PUDP: variants seen among roughly 807,000 people sequenced by gnomAD.
The protein encoded by PUDP is pseudouridine-5'-phosphatase.
In PUDP, 8 loss-of-function variants were observed where a neutral mutation model predicts 9.4. The observed-to-expected ratio is 0.85, with a 90% confidence interval of 0.50 to 1.53. The LOEUF is 1.53. Ranked by LOEUF, PUDP falls within the 40% of genes most tolerant of loss-of-function variation. The probability of loss-of-function intolerance (pLI) is 0.00; values close to 1 mark genes in which losing one functional copy is unlikely to be tolerated. For missense variants in PUDP, 188 were observed against 189.7 expected, an observed-to-expected ratio of 0.99 and a Z score of 0.05; for synonymous variants, 99 against 80.7, an observed-to-expected ratio of 1.23 and a Z score of -1.22.
intron 3 of PUDP, among the ~76,000 whole-genome samples, chrX:6,847,763 C>T (rs939648531): frequency 8.9e-6 from 1 of 111,910 alleles, no homozygotes; most frequent in African/African-American, 3.2e-5. Flanking sequence ...TCACATATCT[C>T]TGTGAATCAG....
At chrX:6,827,986 G>C (rs979813116) in intron 3 of PUDP, among the ~76,000 whole-genome samples, 4 of 111,891 alleles carry the variant, frequency 3.6e-5, no homozygotes, top group African/African-American at 1.3e-4. Flanking sequence ...TTAAGTCAGG[G>C]AGGAGAATGT....
At chrX:6,798,563 G>A (rs1050115881) in intron 3 of PUDP, among the ~76,000 whole-genome samples, 2 of 111,815 alleles carry the variant, frequency 1.8e-5, no homozygotes, top group Non-Finnish European at 3.8e-5. Flanking sequence ...ATGCCCCACA[G>A]ATATTAAAGT....
intron 3 of PUDP, among the ~76,000 whole-genome samples, chrX:6,741,828 CTCTTTCTTTCTT>C (rs1186498408): frequency 1.4e-5 from 1 of 69,339 alleles, no homozygotes; most frequent in Non-Finnish European, 2.7e-5. Context: ...CTCTCTCTCT[CTCTTTCTTTCTT>C]TCTTTCTTTC....
intron 1 of PUDP, among the ~76,000 whole-genome samples, chrX:6,717,169 T>G (rs1487196541): frequency 8.9e-6 from 1 of 111,906 alleles, no homozygotes; most frequent in Admixed American, 9.5e-5. Context: ...GCAAGTACTG[T>G]GCTATTGGCT....
intron 1 of PUDP, among the ~76,000 whole-genome samples, chrX:6,985,517 A>C (rs921627430): frequency 3.6e-5 from 4 of 110,619 alleles, no homozygotes; most frequent in Non-Finnish European, 7.6e-5. Context: ...TCCTGCTAAG[A>C]ATTACTTTGT....
At chrX:6,870,592 C>T (rs372954737) in intron 3 of PUDP, among the ~76,000 whole-genome samples, 1 of 112,198 alleles carries the variant, frequency 8.9e-6, no homozygotes, top group African/African-American at 3.2e-5. Flanking sequence ...ATTTCCCAGA[C>T]TCAGGTATGT....
At chrX:6,839,070 C>T (rs966034073) in intron 3 of PUDP, among the ~76,000 whole-genome samples, 1 of 112,336 alleles carries the variant, frequency 8.9e-6, no homozygotes, top group Admixed American at 9.4e-5. Context: ...TCATAGGTAA[C>T]TACACACAGG....
intron 3 of PUDP, among the ~76,000 whole-genome samples, chrX:6,777,259 AAT>A (rs752980266): frequency 1.8e-5 from 2 of 112,049 alleles, no homozygotes; most frequent in Admixed American, 1.9e-4. Flanking sequence ...TAAGGGTAAA[AAT>A]ACCCTACCTA....
intron 2 of PUDP, among the ~76,000 whole-genome samples, chrX:7,088,218 A>G (rs149971452): frequency 8.9e-6 from 1 of 112,317 alleles, no homozygotes; most frequent in African/African-American, 3.2e-5. Context: ...ATTAGTTTTT[A>G]TGAAGTAAAC....
intron 1 of PUDP, among the ~76,000 whole-genome samples, chrX:7,041,062 C>A (rs965630192): frequency 4.5e-5 from 5 of 111,898 alleles, no homozygotes; most frequent in Non-Finnish European, 9.4e-5. Flanking sequence ...GAGAAGGAAG[C>A]GATCTGATTA....
chrX:6,854,170 T>C (rs990758264), intron 3 of PUDP, among the ~76,000 whole-genome samples: 1 of 111,883 alleles, frequency 8.9e-6, no homozygotes, highest in Non-Finnish European at 1.9e-5. Context: ...TAATCTTCTA[T>C]AATGTGTATA....
chrX:6,714,754 A>C lies in PUDP; in HGVS notation n.128+6663T>G, dbSNP rs182521222. On this transcript the variant is annotated intron_variant and non_coding_transcript_variant, in intron 1 of 2. Transcript: ENST00000438499. ...TATAGGTAGAGATATAGATGTATAT[A>C]TATAGATAAAGATGTGTCTTGTCTA... 1.8e-4 allele frequency among the ~76,000 whole-genome samples: 20 copies of C among 111,762 alleles called. 1 individual carries two copies. The highest frequency in any genetic ancestry group is 6.5e-4 in the African/African-American group (20 of 30,798).
intron 1 of PUDP, among the ~76,000 whole-genome samples, chrX:6,986,648 G>A (rs1407584150): frequency 1.8e-5 from 2 of 111,533 alleles, no homozygotes; most frequent in Non-Finnish European, 3.8e-5. Context: ...AGTTGCCCAG[G>A]GCTCGGGTCT....
At chrX:6,949,874 T>A (rs1301970874) in intron 3 of PUDP, among the ~76,000 whole-genome samples, 1 of 111,664 alleles carries the variant, frequency 9.0e-6, no homozygotes, top group African/African-American at 3.3e-5. Context: ...ATCTGAAGGC[T>A]CCATTGGGGA....
At chrX:6,752,731 T>C (rs1190531665) in intron 3 of PUDP, among the ~76,000 whole-genome samples, 2 of 110,638 alleles carry the variant, frequency 1.8e-5, no homozygotes, top group Non-Finnish European at 3.8e-5. Flanking sequence ...TGGATGATCA[T>C]GGTGCCATTT....
chrX:7,092,814 T>G (rs1962366933), intron 2 of PUDP, among the ~76,000 whole-genome samples: 1 of 111,723 alleles, frequency 9.0e-6, no homozygotes, highest in Admixed American at 9.5e-5. Flanking sequence ...GATAAGAGTG[T>G]ATGATTCTGT....
chrX:7,041,196 C>T (rs1249603280), intron 1 of PUDP, among the ~76,000 whole-genome samples: 1 of 111,573 alleles, frequency 9.0e-6, no homozygotes, highest in Non-Finnish European at 1.9e-5. Context: ...GGATGAGCTC[C>T]GTTCAGGGCA....
intron 2 of PUDP, among the ~76,000 whole-genome samples, chrX:7,092,444 T>C (rs1384154436): frequency 4.5e-5 from 5 of 112,282 alleles, no homozygotes; most frequent in Non-Finnish European, 7.5e-5. Flanking sequence ...TAGTTTCCTA[T>C]TGTCAATTTT....
At chrX:7,125,422 G>A (rs1244238621) in intron 1 of PUDP, among the ~76,000 whole-genome samples, 1 of 111,392 alleles carries the variant, frequency 9.0e-6, no homozygotes, top group East Asian at 2.8e-4. Context: ...CAGTGTCTGA[G>A]GCATTATAGA....
Sources: gnomAD v4.1 joint callset for allele counts (sites outside exome capture counted in the v4.1 genomes callset) on GRCh38, gnomAD v4.1.1 for gene constraint, MANE v1.5 for transcripts, NCBI Gene and HGNC (gene_info 2026-07-23, HGNC 2026-07-21) for gene names.